DCAF17: variants seen among roughly 807,000 people sequenced by gnomAD.
The protein encoded by DCAF17 is DDB1- and CUL4-associated factor 17.
In DCAF17, 48 loss-of-function variants were observed where a neutral mutation model predicts 66.0. The ratio of observed to expected loss-of-function variants is 0.73; its 90% CI spans 0.58 to 0.92. The LOEUF (loss-of-function observed/expected upper bound fraction) is 0.92, where lower values mean the gene tolerates loss of function less well. DCAF17 is among the 40% of genes least tolerant of loss of function. The pLI is 0.00. For missense variants in DCAF17, 562 were observed against 622.8 expected (o/e 0.90, Z 1.04); for synonymous variants, 206 against 214.6 (o/e 0.96, Z 0.35).
chr2:171,452,013 A>C (rs569829713), intron 5 of DCAF17, among the ~76,000 whole-genome samples: 6 of 152,312 alleles, frequency 3.9e-5, no homozygotes, highest in East Asian at 1.9e-4. Flanking sequence ...TGGGGTATAT[A>C]AACTGTACTT....
chr2:171,451,016 G>A (rs529003704), intron 5 of DCAF17, among the ~76,000 whole-genome samples: 6 of 151,606 alleles, frequency 4.0e-5, no homozygotes, highest in Admixed American at 6.6e-5. Flanking sequence ...GGACTGGCAG[G>A]TGAAGTTTAT....
chr2:171,482,354 A>G lies in DCAF17; in HGVS notation c.*1240A>G. 2.2e-6 allele frequency: 1 copy of G among 453,694 alleles called. No homozygotes were observed. The allele number at this position is 453,694 out of a possible 1,614,324, so 28.1% of individuals were successfully genotyped here. A position where few individuals can be genotyped will look rare whatever the true frequency, so the allele number is the denominator to read the frequency against. ...TTTAGCTTGGATGATTTATATTAAA[A>G]TCTTTCCATTTTTTTTTTCAGTTTT... On this transcript the variant is annotated 3_prime_UTR_variant, in exon 14 of 14. Transcript: ENST00000375255.
chr2:171,462,944 A>G (rs1695672174), intron 8 of DCAF17, among the ~76,000 whole-genome samples: 1 of 152,054 alleles, frequency 6.6e-6, no homozygotes, highest in Admixed American at 6.6e-5. Flanking sequence ...AAGAAGGAGG[A>G]GTTTTAACTG....
rs576105333 is a variant in DCAF17, at chr2:171,435,138, A to G, written c.182A>G (p.Tyr61Cys). The change falls in exon 2 of 14, where the codon TAT becomes TGT. Residue 61 changes from tyrosine (Y) to cysteine (C), a missense_variant. This residue lies in a region of DCAF17 where 348 missense variants were observed against 355.9 expected (regional missense o/e 0.98). Coordinates refer to ENST00000375255, the MANE Select transcript of DCAF17 (RefSeq NM_025000.4). The stretch of plus-strand genomic sequence containing the variant: ...ACTCATTCCAGGTCACCTATAGCCT[A>G]TGAGAGAGGAAGAATATATTTTGAC... ...WTTHSRSPIA[Y>C]ERGRIYFDNY... 2.5e-6 allele frequency: 4 copies of G among 1,613,736 alleles called. No homozygotes were observed. Among genetic ancestry groups the G allele is most frequent in the Middle Eastern group, 1.7e-4 (1 of 6,046 alleles).
chr2:171,475,390 A>G (rs1028840016), intron 10 of DCAF17, among the ~76,000 whole-genome samples: 41 of 152,170 alleles, frequency 2.7e-4, no homozygotes, highest in African/African-American at 9.9e-4. Context: ...ATGACAGGGA[A>G]AGAGTCTGTT....
In DCAF17 at chr2:171,435,060, C is replaced by T. The variant is rs374357109; in HGVS notation, c.127-23C>T. The T allele has an allele frequency of 1.0e-3, 1,570 of 1,527,748 alleles. 2 individuals carry two copies. Among genetic ancestry groups the T allele is most frequent in the Non-Finnish European group, 1.3e-3 (1,462 of 1,102,716 alleles). 94.6% of individuals were successfully genotyped at this position (1,527,748 alleles called of 1,614,324 possible). On this transcript the variant is annotated intron_variant, in intron 1 of 13. Transcript: ENST00000375255. ...TAAAGCCTAAGAGTTCTTTCCTGAA[C>T]GGAAATTCTTTATGTCTTTTAGGAA...
At chr2:171,473,831 T>C (rs1172007631) in intron 9 of DCAF17, 35 bp from the exon 10 acceptor site, 1 of 1,531,010 alleles carries the variant, frequency 6.5e-7, no homozygotes, top group African/African-American at 1.4e-5. Context: ...GATTTTCCCT[T>C]AATCTTTGTC....
chr2:171,439,517 T>C (rs1046588035), intron 2 of DCAF17, among the ~76,000 whole-genome samples: 4 of 149,692 alleles, frequency 2.7e-5, no homozygotes, highest in Admixed American at 1.3e-4. Context: ...TTTCCTTTTT[T>C]TTTTTTTTTT....
intron 10 of DCAF17, among the ~76,000 whole-genome samples, chr2:171,474,583 A>G (rs72882347): frequency 0.11 from 17,267 of 152,046 alleles, 1,159 homozygotes; most frequent in Non-Finnish European, 0.14. Context: ...GCATGATTCT[A>G]TTTATTCCTT....
At chr2:171,445,773 CCTGGG>C (rs2105742913) in intron 3 of DCAF17, among the ~76,000 whole-genome samples, 1 of 152,252 alleles carries the variant, frequency 6.6e-6, no homozygotes, top group South Asian at 2.1e-4. Context: ...GCCTCTACCT[CCTGGG>C]CTCAGGTGAT....
At chr2:171,467,748 A>C (rs868251326) in intron 8 of DCAF17, among the ~76,000 whole-genome samples, 8,435 of 150,780 alleles carry the variant, frequency 0.056, 394 homozygotes, top group Non-Finnish European at 0.083. Flanking sequence ...AAAAAAAAAA[A>C]AAAAAAGTTG....
intron 6 of DCAF17, among the ~76,000 whole-genome samples, chr2:171,456,495 G>T (rs774256835): frequency 6.6e-6 from 1 of 152,128 alleles, no homozygotes; most frequent in Non-Finnish European, 1.5e-5. Flanking sequence ...CTCTGTTTTG[G>T]TTCCATAGGA....
intron 13 of DCAF17, 102 bp from the exon 14 acceptor site, chr2:171,480,872 G>A (rs1696711860): frequency 7.2e-7 from 1 of 1,396,076 alleles, no homozygotes; most frequent in Admixed American, 1.7e-5. Flanking sequence ...TCTTCTAAGT[G>A]TATGTTTGAA....
rs1345444190 is a variant in DCAF17, at chr2:171,448,714, T to C, written c.355T>C (p.Ser119Pro). 1.6e-5 allele frequency: 25 copies of C among 1,612,340 alleles called. No individual in the cohort carries two copies. Among genetic ancestry groups the C allele is most frequent in the Non-Finnish European group, 2.0e-5 (24 of 1,179,154 alleles). Residue 119 changes from serine (S) to proline (P), a missense_variant, in exon 4 of 14, where the codon TCC becomes CCC. By Grantham distance (74) the Ser-to-Pro change is moderately conservative. Transcript: ENST00000375255. ...DILPNSSDYK[S>P]SLIALTAHNW... ...ACTTCCCAATTCATCAGATTATAAG[T>C]CCTCACTCATAGCACTGACTGCTCA...
intron 6 of DCAF17, among the ~76,000 whole-genome samples, chr2:171,456,389 T>C (rs1695262323): frequency 6.6e-6 from 1 of 152,214 alleles, no homozygotes; most frequent in African/African-American, 2.4e-5. Context: ...ACCATGCTGT[T>C]TTGGTTACTG....
rs772229487 is a variant in DCAF17, at chr2:171,481,546, C to G, written c.*432C>G. 10 of 454,168 alleles carry G rather than the reference C, an allele frequency of 2.2e-5. No individual in the cohort carries two copies. Among genetic ancestry groups the G allele is most frequent in the Non-Finnish European group, 3.5e-5 (8 of 226,980 alleles). The allele number at this position is 454,168 out of a possible 1,614,324, so 28.1% of individuals were successfully genotyped here. A position where few individuals can be genotyped will look rare whatever the true frequency, so the allele number is the denominator to read the frequency against. On this transcript the variant is annotated 3_prime_UTR_variant, in exon 14 of 14. Transcript: ENST00000375255. ...CATGCAGAAAGAAATCTTATATCCT[C>G]TATACCAAACTTTGCTTAAGGATGA...
chr2:171,454,918 T>C (rs1206750712), intron 6 of DCAF17, among the ~76,000 whole-genome samples: 1 of 151,938 alleles, frequency 6.6e-6, no homozygotes, highest in Non-Finnish European at 1.5e-5. Context: ...CAAGTCCTCT[T>C]TTTCTTCTTT....
At chr2:171,480,537 C>T (rs1259113236) in intron 13 of DCAF17, among the ~76,000 whole-genome samples, 33 of 152,054 alleles carry the variant, frequency 2.2e-4, no homozygotes. Flanking sequence ...TTACTAGAGA[C>T]CATATCTAAG....
In DCAF17 at chr2:171,458,401, T is replaced by C. The variant is rs1332637605; in HGVS notation, c.762T>C (p.Cys254=). ...TGCAACAGAAACTTGACTTAGGGTG[T>C]GCATGCAGATGGGGTGGGACTACTG... is the stretch of plus-strand genomic sequence containing the variant. ...QFMQQKLDLG[C]ACRWGGTTGT... The change falls in exon 8 of 14, where the codon TGT becomes TGC. Residue 254 remains cysteine (C), a synonymous_variant. Coordinates refer to ENST00000375255, the MANE Select transcript of DCAF17 (RefSeq NM_025000.4). The C allele has an allele frequency of 1.2e-6, 2 of 1,613,988 alleles. No homozygotes were observed. The highest frequency in any genetic ancestry group is 1.7e-6 in the Non-Finnish European group (2 of 1,179,978).
Sources: gnomAD v4.1 joint callset for allele counts (sites outside exome capture counted in the v4.1 genomes callset) on GRCh38, gnomAD v4.1.1 for gene constraint, gnomAD v4.1.1 regional missense constraint, MANE v1.5 for transcripts, NCBI Gene and HGNC (gene_info 2026-07-23, HGNC 2026-07-21) for gene names.